DPP3: variants seen among roughly 807,000 people sequenced by gnomAD.
The protein encoded by DPP3 is dipeptidyl peptidase 3, also known as DPP III.
A neutral mutation model predicts 89.8 loss-of-function variants in DPP3; 64 were observed. The observed-to-expected ratio is 0.71, with a 90% CI of 0.58 to 0.88. The LOEUF (loss-of-function observed/expected upper bound fraction) is 0.88. DPP3 is among the 40% of genes least tolerant of loss of function. The pLI is 0.00. For missense variants in DPP3, 835 were observed against 972.5 expected (o/e 0.86, Z 1.88); for synonymous variants, 377 against 404.3 (o/e 0.93, Z 0.81).
Position 66,492,926 on chromosome 11 carries a change from C to T in DPP3, c.1183+16C>T. Reference sequence around the variant, plus strand: ...ATCCCCAACTGTGAGTGTCTCAGGCCCAGCCCCCGAGCCCCAGAAACCTTC... The same window carrying T: ...ATCCCCAACTGTGAGTGTCTCAGGCTCAGCCCCCGAGCCCCAGAAACCTTC... On this transcript the variant is annotated intron_variant, in intron 10 of 17. Transcript: ENST00000531863. 1 of 1,600,906 alleles carries T rather than the reference C, an allele frequency of 6.2e-7. No homozygotes were observed. The highest frequency in any genetic ancestry group is 8.5e-7 in the Non-Finnish European group (1 of 1,172,870).
intron 17 of DPP3, among the ~76,000 whole-genome samples, chr11:66,506,601 T>C (rs11227501): frequency 0.23 from 35,135 of 151,690 alleles, 4,322 homozygotes; most frequent in East Asian, 0.27. Context: ...TTTTCCATGC[T>C]CTCCAGAGGC....
In DPP3 at chr11:66,495,763, T is replaced by C. The variant is rs756734731; in HGVS notation, c.1698+13T>C. On this transcript the variant is annotated intron_variant, in intron 15 of 17. Coordinates refer to ENST00000531863, the MANE Select transcript of DPP3 (RefSeq NM_130443.4). ...CAACTGGCGACAGGTAGGGCCTAGGTGGAGCCCCCTGGAGGCGGAAGGGAG... is the reference window on the plus strand; with the variant it reads ...CAACTGGCGACAGGTAGGGCCTAGGCGGAGCCCCCTGGAGGCGGAAGGGAG... 1.4e-5 allele frequency: 22 copies of C among 1,591,164 alleles called. 1 individual carries two copies. In the Middle Eastern group the frequency reaches 8.0e-4, roughly 58 times the overall value.
chr11:66,493,234 C>T (rs1855444788), intron 11 of DPP3, 55 bp downstream of exon 11: 19 of 1,482,166 alleles, frequency 1.3e-5, no homozygotes, highest in Non-Finnish European at 1.7e-5. Context: ...TCAGCAGACT[C>T]AGGAAGAGAG....
rs749772984 is a variant in DPP3, at chr11:66,491,304, G to C, written c.719G>C (p.Arg240Pro). Residue 240 changes from arginine to proline, a missense_variant, in exon 7 of 18, where the codon CGG becomes CCG. Arg to Pro is a moderately radical substitution (Grantham distance 103). Transcript: ENST00000531863. ...VTSKLKSYEF[R>P]GSPFQVTRGD... is the part of the protein sequence containing the mutation. ...TCCAAGCTGAAGAGCTATGAATTCC[G>C]GGGAAGCCCTTTCCAGGTGACCCGG... 1 of 1,613,946 alleles carries C rather than the reference G, an allele frequency of 6.2e-7. No homozygotes were observed. The highest frequency in any genetic ancestry group is 1.1e-5 in the South Asian group (1 of 91,060).
At chr11:66,493,416 A>C (rs1855449875) in intron 11 of DPP3, 125 bp from the exon 12 acceptor site, 1 of 993,862 alleles carries the variant, frequency 1.0e-6, no homozygotes, top group African/African-American at 1.6e-5. Flanking sequence ...TGTGGGGTGG[A>C]GCACAGTTGG....
intron 3 of DPP3, 119 bp from the exon 4 acceptor site, chr11:66,486,421 G>T (rs1590732923): frequency 7.8e-7 from 1 of 1,283,406 alleles, no homozygotes; most frequent in Non-Finnish European, 1.0e-6. Flanking sequence ...CTGGTCCATG[G>T]ACCACACAAT....
intron 3 of DPP3, among the ~76,000 whole-genome samples, chr11:66,485,579 T>C (rs1245246171): frequency 6.6e-6 from 1 of 152,180 alleles, no homozygotes; most frequent in East Asian, 1.9e-4. Context: ...CAGTGGGAAG[T>C]GCTGGGCCGG....
intron 16 of DPP3, among the ~76,000 whole-genome samples, chr11:66,503,414 AG>A: frequency 6.6e-6 from 1 of 152,260 alleles, no homozygotes; most frequent in Admixed American, 6.5e-5. Flanking sequence ...CATTCAGCAC[AG>A]TAACACTATG....
chr11:66,495,779 C>T (rs201413045), intron 15 of DPP3, 29 bp downstream of exon 15: 13 of 1,577,212 alleles, frequency 8.2e-6, no homozygotes, highest in African/African-American at 1.4e-5. Context: ...CCCCTGGAGG[C>T]GGAAGGGAGC....
At chr11:66,492,972 G>C (rs1855434706) in intron 10 of DPP3, 62 bp downstream of exon 10, 1 of 1,599,698 alleles carries the variant, frequency 6.3e-7, no homozygotes, top group Non-Finnish European at 8.5e-7. Context: ...GCCCCTCCCT[G>C]TCCACACACA....
chr11:66,509,049 C>T (rs1286566548), intron 17 of DPP3, 30 bp from the exon 18 acceptor site: 3 of 1,610,486 alleles, frequency 1.9e-6, no homozygotes, highest in African/African-American at 1.3e-5. Flanking sequence ...CAGACCTTTC[C>T]CTGCTGTTTT....
intron 9 of DPP3, 179 bp from the exon 10 acceptor site, chr11:66,492,537 T>G: frequency 1.5e-6 from 1 of 662,822 alleles, no homozygotes; most frequent in Non-Finnish European, 2.4e-6. Context: ...TGCAGCTGCA[T>G]CTTTCCTGTC....
intron 2 of DPP3, among the ~76,000 whole-genome samples, chr11:66,484,721 C>G (rs1276455516): frequency 4.8e-5 from 6 of 126,074 alleles, no homozygotes; most frequent in Non-Finnish European, 7.9e-5. Context: ...AGAGGAAGAT[C>G]TGGGGCCAGC....
At chr11:66,495,983 CTT>C (rs1315694749) in intron 15 of DPP3, among the ~76,000 whole-genome samples, 1 of 152,198 alleles carries the variant, frequency 6.6e-6, no homozygotes, top group Non-Finnish European at 1.5e-5. Flanking sequence ...GATGAGGTGA[CTT>C]TATTAGGACT....
intron 17 of DPP3, among the ~76,000 whole-genome samples, chr11:66,506,755 T>C (rs1855812417): frequency 6.6e-6 from 1 of 152,124 alleles, no homozygotes; most frequent in Admixed American, 6.6e-5. Flanking sequence ...TCTTGCTGCT[T>C]GGCATGATCT....
Position 66,491,267 on chromosome 11 carries a change from T to C in DPP3, c.682T>C (p.Ser228Pro). 6.2e-7 allele frequency: 1 copy of C among 1,613,588 alleles called. No homozygotes were observed. The highest frequency in any genetic ancestry group is 2.2e-5 in the East Asian group (1 of 44,868). ...SVLGSEPSLD[S>P]EVTSKLKSYE... ...TCTTTCCCCAGAGCCTTCCCTGGAC[T>C]CTGAGGTGACTTCCAAGCTGAAGAG... The change falls in exon 7 of 18, where the codon TCT becomes CCT. Residue 228 changes from serine to proline, a missense_variant. Transcript: ENST00000531863.
chr11:66,503,423 A>G (rs1855727400), intron 16 of DPP3, among the ~76,000 whole-genome samples: 1 of 152,206 alleles, frequency 6.6e-6, no homozygotes, highest in South Asian at 2.1e-4. Flanking sequence ...CAGTAACACT[A>G]TGAGAGAGTA....
At chr11:66,487,498 T>C (rs530882896) in intron 5 of DPP3, among the ~76,000 whole-genome samples, 156 bp downstream of exon 5, 1 of 152,214 alleles carries the variant, frequency 6.6e-6, no homozygotes, top group Admixed American at 6.5e-5. Flanking sequence ...TAGAGCCTAA[T>C]GACAGCCTCA....
intron 8 of DPP3, 28 bp downstream of exon 8, chr11:66,491,652 C>T (rs1314151661): frequency 6.2e-7 from 1 of 1,609,744 alleles, no homozygotes; most frequent in African/African-American, 1.3e-5. Context: ...CCCCACCTGC[C>T]CCCTCCTGCC....
Sources: gnomAD v4.1 joint callset for allele counts (sites outside exome capture counted in the v4.1 genomes callset) on GRCh38, gnomAD v4.1.1 for gene constraint, MANE v1.5 for transcripts, NCBI Gene and HGNC (gene_info 2026-07-23, HGNC 2026-07-21) for gene names.